The following PALB2 variants were observed in gnomAD, a reference collection of about 807,000 sequenced individuals.
PALB2 encodes the protein partner and localizer of BRCA2.
Under a neutral mutation model 107.4 loss-of-function variants are expected in PALB2, and 82 were observed. The observed-to-expected ratio is 0.76, with a 90% CI of 0.64 to 0.92. The LOEUF is 0.92. PALB2 is among the 40% of genes least tolerant of loss of function. PALB2 has a pLI of 0.00. For missense variants in PALB2, 1,374 were observed against 1,379.9 expected, an observed-to-expected ratio of 1.00 and a Z score of 0.07; for synonymous variants, 489 against 496.8, an observed-to-expected ratio of 0.98 and a Z score of 0.21.
chr16:23,611,244 A>G (rs1966582223), intron 11 of PALB2, among the ~76,000 whole-genome samples: 1 of 152,024 alleles, frequency 6.6e-6, no homozygotes, highest in Non-Finnish European at 1.5e-5. Flanking sequence ...TCCAGGTTGA[A>G]GTGATTCTCC....
chr16:23,629,546 T>C (rs1384414414), intron 5 of PALB2, 94 bp downstream of exon 5: 10 of 1,214,534 alleles, frequency 8.2e-6, no homozygotes, highest in Non-Finnish European at 1.1e-5. Context: ...TTCTTAAACG[T>C]GGAAGGCCCA....
At chr16:23,612,819 C>A (rs751910023) in intron 11 of PALB2, among the ~76,000 whole-genome samples, 11 of 152,042 alleles carry the variant, frequency 7.2e-5, no homozygotes, top group South Asian at 2.1e-4. Context: ...ATCGTGCAAT[C>A]TCGGCTCACT....
Position 23,634,862 on chromosome 16 carries a change from CT to C in PALB2, c.1683del (p.Lys563ArgfsTer36). 1 of 1,612,668 alleles carries C rather than the reference CT, an allele frequency of 6.2e-7. No individual in the cohort carries two copies. The highest frequency in any genetic ancestry group is 8.5e-7 in the Non-Finnish European group (1 of 1,179,212). ...YQHEKLFIQVKGKKSRHQKED... is the reference protein window; with the variant it reads ...YQHEKLFIQVXGKKSRHQKED... ...CATCATCAAACACATCTTGATTTAC[CT>C]TTCACTTGAATAAATAATTTTTCGT... On this transcript the variant is annotated frameshift_variant and splice_region_variant, in exon 4 of 13. Coordinates refer to ENST00000261584, the MANE Select transcript of PALB2 (RefSeq NM_024675.4). LOFTEE classifies it high-confidence loss of function.
chr16:23,608,801 T>TATACACACACACACACAC (rs560756242), intron 11 of PALB2, among the ~76,000 whole-genome samples: 5 of 143,760 alleles, frequency 3.5e-5, no homozygotes, highest in African/African-American at 1.3e-4. Context: ...TGTATATATA[T>TATACACACACACACACAC]ACACACACAC....
At chr16:23,609,220 C>T (rs1224163477) in intron 11 of PALB2, among the ~76,000 whole-genome samples, 1 of 152,150 alleles carries the variant, frequency 6.6e-6, no homozygotes, top group Non-Finnish European at 1.5e-5. Context: ...TAGCTTGAGA[C>T]AAGCCTGGGA....
intron 1 of PALB2, among the ~76,000 whole-genome samples, chr16:23,638,934 G>A (rs577655467): frequency 2.0e-5 from 3 of 152,278 alleles, no homozygotes; most frequent in South Asian, 2.1e-4. Context: ...GGTTACCTAC[G>A]TTTGAGGAAC....
In PALB2 at chr16:23,635,962, A is replaced by G. The variant is rs587782260; in HGVS notation, c.584T>C (p.Ile195Thr). The part of the protein sequence containing the change: ...KNPARSPVTE[I>T]RTHLLSLKSE... ...TTTAAGACTTAAAAGGTGAGTTCTT[A>G]TTTCAGTTACTGGTGATCTAGCAGG... Residue 195 changes from isoleucine (I) to threonine (T), a missense_variant, in exon 4 of 13, where the codon ATA becomes ACA. Coordinates refer to ENST00000261584, the MANE Select transcript of PALB2 (RefSeq NM_024675.4). The G allele has an allele frequency of 6.2e-7, 1 of 1,613,958 alleles. No homozygotes were observed. Among genetic ancestry groups the G allele is most frequent in the African/African-American group, 1.3e-5 (1 of 74,902 alleles).
chr16:23,620,598 G>A (rs903257974), intron 10 of PALB2, among the ~76,000 whole-genome samples: 4 of 152,110 alleles, frequency 2.6e-5, no homozygotes, highest in African/African-American at 4.8e-5. Context: ...ATACTTATTC[G>A]AAGGTAGACA....
intron 6 of PALB2, among the ~76,000 whole-genome samples, chr16:23,628,687 G>A (rs911560345): frequency 4.6e-5 from 7 of 152,120 alleles, no homozygotes; most frequent in African/African-American, 1.7e-4. Flanking sequence ...CCAGGCTGGA[G>A]TGCAGTGGTA....
rs1060504711 is a variant in PALB2 at position 23,626,407 on chromosome 16, T to C, written c.2587-10A>G. ...AGGAACCTGAAGGATTCTGACACAA[T>C]GGCAACAGTTCTGTTAAAGTGGCAC... On this transcript the variant is annotated splice_polypyrimidine_tract_variant and intron_variant, in intron 6 of 12. Coordinates refer to ENST00000261584, the MANE Select transcript of PALB2 (RefSeq NM_024675.4). 3 of 1,614,086 alleles carry C rather than the reference T, an allele frequency of 1.9e-6. No individual in the cohort carries two copies. In the South Asian group the frequency reaches 3.3e-5, roughly 18 times the overall value.
chr16:23,626,534 A>G, intron 6 of PALB2, 137 bp from the exon 7 acceptor site: 1 of 974,346 alleles, frequency 1.0e-6, no homozygotes, highest in South Asian at 1.5e-5. Context: ...GGTGAAAAGA[A>G]AGAGCTTTGT....
At position 23,641,277 on chromosome 16, in the gene PALB2, ACC is replaced by A; in HGVS notation, c.-122_-121del. The A allele has an allele frequency of 7.6e-7, 1 of 1,314,484 alleles. No homozygotes were observed. Among genetic ancestry groups the A allele is most frequent in the Non-Finnish European group, 1.1e-6 (1 of 939,688 alleles). The allele number at this position is 1,314,484 out of a possible 1,614,324, so 81.4% of individuals were successfully genotyped here. ...GAAGGAATGGGGAGCCCGGGATCGC[ACC>A]CTCAGTGCGCGATCAGCTGACCCAC... On this transcript the variant is annotated 5_prime_UTR_variant, in exon 1 of 13. Coordinates refer to ENST00000261584, the MANE Select transcript of PALB2 (RefSeq NM_024675.4).
intron 10 of PALB2, among the ~76,000 whole-genome samples, chr16:23,616,151 T>A: frequency 6.6e-6 from 1 of 152,180 alleles, no homozygotes; most frequent in Non-Finnish European, 1.5e-5. Context: ...TTCCCATCCC[T>A]GTTACTGACG....
intron 11 of PALB2, among the ~76,000 whole-genome samples, chr16:23,610,919 A>G (rs1446905513): frequency 6.6e-6 from 1 of 151,872 alleles, no homozygotes; most frequent in Non-Finnish European, 1.5e-5. Context: ...GCACACCTGT[A>G]ATCCCAGCTA....
intron 12 of PALB2, among the ~76,000 whole-genome samples, chr16:23,604,488 C>T (rs758436351): frequency 1.6e-4 from 24 of 152,224 alleles, no homozygotes; most frequent in Non-Finnish European, 3.1e-4. Context: ...TATTATTAGC[C>T]GGGTGTGGTG....
intron 4 of PALB2, 49 bp downstream of exon 4, chr16:23,634,810 ATTG>A (rs1302984876): frequency 1.9e-6 from 3 of 1,570,724 alleles, no homozygotes; most frequent in Non-Finnish European, 2.6e-6. Flanking sequence ...GCAAATAGTA[ATTG>A]TTAACTTTCA....
chr16:23,609,798 G>C (rs1023152183), intron 11 of PALB2, among the ~76,000 whole-genome samples: 1 of 152,084 alleles, frequency 6.6e-6, no homozygotes, highest in Non-Finnish European at 1.5e-5. Context: ...TTACAGGCGT[G>C]AGCCACCGCG....
intron 12 of PALB2, among the ~76,000 whole-genome samples, chr16:23,606,552 T>A (rs990510223): frequency 2.0e-4 from 31 of 152,310 alleles, no homozygotes; most frequent in African/African-American, 7.0e-4. Context: ...CCTTGTTTTC[T>A]TGATTCACTT....
chr16:23,615,675 T>G (rs1966672692), intron 10 of PALB2, among the ~76,000 whole-genome samples: 1 of 152,082 alleles, frequency 6.6e-6, no homozygotes, highest in Admixed American at 6.5e-5. Context: ...AAGTTCTTTT[T>G]TTTTTTGAGA....
Sources: allele counts gnomAD v4.1 joint callset (sites outside exome capture counted in the v4.1 genomes callset), GRCh38; gene constraint gnomAD v4.1.1; transcripts MANE v1.5; gene names NCBI Gene and HGNC (gene_info 2026-07-23, HGNC 2026-07-21).